Variants in MALRD1 observed in about 807,000 individuals in gnomAD.
The protein encoded by MALRD1 is MAM and LDL receptor class A domain containing 1.
In MALRD1, 247 loss-of-function variants were observed where a neutral mutation model predicts 242.1. The ratio of observed to expected loss-of-function variants is 1.02; its 90% CI spans 0.92 to 1.13. MALRD1 has a LOEUF of 1.13. Ranked by LOEUF, MALRD1 falls within the 50% of genes most tolerant of loss-of-function variation. The pLI, the probability that MALRD1 is intolerant of heterozygous loss-of-function variation, is 0.00. For missense variants in MALRD1, 2,989 were observed against 2,533.1 expected, an observed-to-expected ratio of 1.18 and a Z score of -3.86; for synonymous variants, 995 against 866.6, an observed-to-expected ratio of 1.15 and a Z score of -2.60.
At chr10:19,154,602 C>A (rs1368598616) in intron 11 of MALRD1, among the ~76,000 whole-genome samples, 1 of 152,196 alleles carries the variant, frequency 6.6e-6, no homozygotes, top group Admixed American at 6.5e-5. Context: ...CAGATTAGAT[C>A]TTTAATTAAG....
At chr10:19,602,562 A>ATCT (rs1374433667) in intron 34 of MALRD1, among the ~76,000 whole-genome samples, 3 of 151,824 alleles carry the variant, frequency 2.0e-5, no homozygotes, top group African/African-American at 7.3e-5. Context: ...TCCATGGTGT[A>ATCT]TATGTGTCAC....
At chr10:19,194,677 A>T (rs1414312076) in intron 14 of MALRD1, among the ~76,000 whole-genome samples, 2 of 152,084 alleles carry the variant, frequency 1.3e-5, no homozygotes, top group Admixed American at 1.3e-4. Flanking sequence ...ATGCTGTTCA[A>T]TTCTCTTGAC....
intron 26 of MALRD1, among the ~76,000 whole-genome samples, chr10:19,379,924 G>T (rs10740882): frequency 0.64 from 96,908 of 150,986 alleles, 31,447 homozygotes; most frequent in African/African-American, 0.75. Flanking sequence ...CTGTCAGTGT[G>T]TGTTTGTTGT....
At chr10:19,718,481 A>C (rs1834523370) in intron 38 of MALRD1, among the ~76,000 whole-genome samples, 1 of 152,180 alleles carries the variant, frequency 6.6e-6, no homozygotes, top group Non-Finnish European at 1.5e-5. Flanking sequence ...AATCACATGA[A>C]CTCAACGCAA....
intron 26 of MALRD1, among the ~76,000 whole-genome samples, chr10:19,364,977 TC>T (rs1442874522): frequency 6.6e-6 from 1 of 152,120 alleles, no homozygotes; most frequent in African/African-American, 2.4e-5. Flanking sequence ...TATTTGGTCT[TC>T]CCAACCTGCC....
chr10:19,504,664 A>ATTT lies in MALRD1; in HGVS notation c.5320+6045_5320+6047dup, dbSNP rs759213931. On this transcript the variant is annotated intron_variant, in intron 31 of 39. Transcript: ENST00000454679. ...ACATATAATGACTATATTGTAACACATTTTTTTTTTTTTTTTTTTTTTTTT... is the reference window on the plus strand; with the variant it reads ...ACATATAATGACTATATTGTAACACATTTTTTTTTTTTTTTTTTTTTTTTTTTT... 1.9e-3 allele frequency among the ~76,000 whole-genome samples: 182 copies of ATTT among 97,588 alleles called. 11 individuals carry two copies. Among genetic ancestry groups the ATTT allele is most frequent in the Middle Eastern group, 0.015 (2 of 132 alleles). The allele number at this position is 97,588 out of a possible 152,430, so 64.0% of individuals were successfully genotyped here.
chr10:19,210,817 C>T (rs148625940), intron 18 of MALRD1, among the ~76,000 whole-genome samples: 101 of 152,236 alleles, frequency 6.6e-4, no homozygotes, highest in Non-Finnish European at 1.2e-3. Context: ...AGTGTGGCAT[C>T]GTTCAGCTCT....
At chr10:19,322,084 A>C (rs986045510) in intron 21 of MALRD1, among the ~76,000 whole-genome samples, 2 of 152,152 alleles carry the variant, frequency 1.3e-5, no homozygotes, top group Non-Finnish European at 2.9e-5. Context: ...AGCACATTGA[A>C]ATAATTTTCA....
chr10:19,125,360 T>TCTTTCTTTCTTTCTTTC (rs1837243530), intron 7 of MALRD1, among the ~76,000 whole-genome samples: 1 of 116,840 alleles, frequency 8.6e-6, no homozygotes, highest in Non-Finnish European at 1.8e-5. Context: ...TTTCTTTCTT[T>TCTTTCTTTCTTTCTTTC]CTTTCTTTCT....
intron 24 of MALRD1, among the ~76,000 whole-genome samples, chr10:19,336,585 A>G (rs1843623611): frequency 6.6e-6 from 1 of 152,192 alleles, no homozygotes; most frequent in South Asian, 2.1e-4. Flanking sequence ...CAATGACAAG[A>G]CAATGTCTAG....
At position 19,654,828 on chromosome 10, in the gene MALRD1, T is replaced by G. The variant is rs192958299; in HGVS notation, c.6138-37454T>G. Among the ~76,000 whole-genome samples, 14 of 152,256 alleles carry G rather than the reference T, an allele frequency of 9.2e-5. No homozygotes were observed. In the East Asian group the frequency reaches 2.3e-3, roughly 25 times the overall value. On this transcript the variant is annotated intron_variant, in intron 36 of 39. Coordinates refer to ENST00000454679, the MANE Select transcript of MALRD1 (RefSeq NM_001142308.3). ...AGACACAAGAAAGGAATGTAAAAGATAGACACATCTGTGTGTGCTGGGGCT... is the reference window on the plus strand; with the variant it reads ...AGACACAAGAAAGGAATGTAAAAGAGAGACACATCTGTGTGTGCTGGGGCT...
At chr10:19,507,324 T>C (rs549866957) in intron 31 of MALRD1, among the ~76,000 whole-genome samples, 51 of 152,226 alleles carry the variant, frequency 3.4e-4, no homozygotes, top group South Asian at 1.5e-3. Flanking sequence ...CATTAGTCTA[T>C]TATTTCCGCT....
intron 21 of MALRD1, among the ~76,000 whole-genome samples, chr10:19,306,834 A>G (rs951664016): frequency 6.6e-6 from 1 of 151,438 alleles, no homozygotes; most frequent in African/African-American, 2.4e-5. Flanking sequence ...AATGCCCCTT[A>G]TAAAGCCACT....
At chr10:19,380,318 A>G (rs961130694) in intron 26 of MALRD1, among the ~76,000 whole-genome samples, 1 of 151,136 alleles carries the variant, frequency 6.6e-6, no homozygotes, top group African/African-American at 2.4e-5. Context: ...TATTACTGCA[A>G]AATGGTCCTC....
At chr10:19,615,743 G>C (rs1839124010) in intron 35 of MALRD1, 114 bp from the exon 36 acceptor site, 3 of 876,744 alleles carry the variant, frequency 3.4e-6, no homozygotes, top group Admixed American at 3.0e-5. Context: ...TTTGCAACTG[G>C]AAAGGAATTT....
chr10:19,414,929 G>C (rs1833450877), intron 28 of MALRD1, among the ~76,000 whole-genome samples: 2 of 152,134 alleles, frequency 1.3e-5, no homozygotes, highest in East Asian at 3.8e-4. Context: ...ATTACAGACA[G>C]GACCAAATGA....
intron 29 of MALRD1, among the ~76,000 whole-genome samples, chr10:19,474,414 T>C (rs1410575064): frequency 6.6e-6 from 1 of 152,178 alleles, no homozygotes; most frequent in Non-Finnish European, 1.5e-5. Context: ...CTTTATCAAA[T>C]AGTCAAGTCT....
upstream of MALRD1, among the ~76,000 whole-genome samples, chr10:19,047,351 A>T (rs1834362468): frequency 1.0e-5 from 1 of 97,214 alleles, no homozygotes; most frequent in African/African-American, 4.9e-5. Flanking sequence ...AGATGTGTTA[A>T]TTAGGTGTGT....
At chr10:19,576,701 T>A (rs1351701523) in intron 33 of MALRD1, among the ~76,000 whole-genome samples, 1 of 152,156 alleles carries the variant, frequency 6.6e-6, no homozygotes, top group Admixed American at 6.6e-5. Flanking sequence ...ATCTCCATGA[T>A]TTTAGTCCTA....
Sources: allele counts gnomAD v4.1 joint callset (sites outside exome capture counted in the v4.1 genomes callset), GRCh38; gene constraint gnomAD v4.1.1; transcripts MANE v1.5; gene names NCBI Gene and HGNC (gene_info 2026-07-23, HGNC 2026-07-21).